Variants in PCBP3 observed in about 807,000 individuals in gnomAD.
PCBP3 encodes poly(rC) binding protein 3, also known as poly(rC)-binding protein 3.
Under a neutral mutation model 52.7 loss-of-function variants are expected in PCBP3, and 25 were observed. That is an observed-to-expected ratio of 0.47 (90% confidence interval 0.35 to 0.66). The LOEUF (loss-of-function observed/expected upper bound fraction) is 0.66. PCBP3 is among the 30% of genes least tolerant of loss of function. The pLI is 0.01. For synonymous variants in PCBP3, 162 were observed against 183.0 expected, an observed-to-expected ratio of 0.89 and a Z score of 0.93; for missense variants, 391 against 490.3, an observed-to-expected ratio of 0.80 and a Z score of 1.91.
chr21:45,907,106 G>T (rs1329578253), intron 9 of PCBP3, among the ~76,000 whole-genome samples: 4 of 152,210 alleles, frequency 2.6e-5, no homozygotes, highest in African/African-American at 9.6e-5. Context: ...CTGGACCCAG[G>T]ATCTTTCTAT....
chr21:45,930,666 C>A (rs2076061464), intron 14 of PCBP3, 120 bp from the exon 15 acceptor site: 1 of 587,438 alleles, frequency 1.7e-6, no homozygotes, highest in Non-Finnish European at 3.1e-6. Context: ...ATGCCTGTGG[C>A]TGTGGCCAGA....
At chr21:45,889,194 C>G (rs565472115) in intron 5 of PCBP3, among the ~76,000 whole-genome samples, 7 of 152,190 alleles carry the variant, frequency 4.6e-5, no homozygotes. Flanking sequence ...CAGGAGCGCT[C>G]ACAGGGGCTT....
chr21:45,841,376 C>T (rs1049625433), intron 4 of PCBP3, among the ~76,000 whole-genome samples: 12 of 149,900 alleles, frequency 8.0e-5, no homozygotes, highest in South Asian at 4.3e-4. Context: ...TGTGATGTCT[C>T]CTTACTCTTA....
In PCBP3 at chr21:45,704,724, A is replaced by G. The variant is rs879718020; in HGVS notation, c.-199-30668A>G. ...TGTCCATAGCTTCCTGACCTCTGGAAGAACAGAAGTTGCTGCTGGCAGAGT... is the reference window on the plus strand; with the variant it reads ...TGTCCATAGCTTCCTGACCTCTGGAGGAACAGAAGTTGCTGCTGGCAGAGT... On this transcript the variant is annotated intron_variant, in intron 2 of 17. Transcript: ENST00000681687. This position sits in a 1 kb window ranked among gnomAD's most constrained non-coding sequence, Gnocchi z 4.1. Among the ~76,000 whole-genome samples the G allele has an allele frequency of 4.6e-5, 7 of 152,250 alleles. No homozygotes were observed. The highest frequency in any genetic ancestry group is 8.8e-5 in the Non-Finnish European group (6 of 68,034).
In PCBP3 at chr21:45,821,630, T is replaced by A. The variant is rs974871111; in HGVS notation, c.-125-28331T>A. On this transcript the variant is annotated intron_variant, in intron 4 of 17. Coordinates refer to ENST00000681687, the MANE Select transcript of PCBP3 (RefSeq NM_001384156.1). This position sits in a 1 kb window ranked among gnomAD's most constrained non-coding sequence, Gnocchi z 4.4. Reference sequence around the variant, plus strand: ...CTGTCTCCCTGGTTCTTGTTCTGGCTTCTCCACGGGACCCTCCTGTCCTCC... The same window carrying A: ...CTGTCTCCCTGGTTCTTGTTCTGGCATCTCCACGGGACCCTCCTGTCCTCC... Among the ~76,000 whole-genome samples, 1 of 152,066 alleles carries A rather than the reference T, an allele frequency of 6.6e-6. No homozygotes were observed. The highest frequency in any genetic ancestry group is 1.5e-5 in the Non-Finnish European group (1 of 68,016).
chr21:45,694,335 T>A (rs572863983), intron 2 of PCBP3, among the ~76,000 whole-genome samples: 1 of 152,288 alleles, frequency 6.6e-6, no homozygotes, highest in East Asian at 1.9e-4. Flanking sequence ...AAGAAGCATA[T>A]TTTAAAAGCA....
chr21:45,723,012 C>CAAAA (rs201388146), intron 2 of PCBP3, among the ~76,000 whole-genome samples: 1 of 136,776 alleles, frequency 7.3e-6, no homozygotes. Flanking sequence ...AGACCCGTCT[C>CAAAA]AAAAAAAAAA....
chr21:45,917,602 G>A lies in PCBP3; in HGVS notation c.690G>A (p.Gln230=). The A allele has an allele frequency of 6.2e-7, 1 of 1,613,340 alleles. No homozygotes were observed. Among genetic ancestry groups the A allele is most frequent in the Non-Finnish European group, 8.5e-7 (1 of 1,179,556 alleles). The change falls in exon 13 of 18, where the codon CAG becomes CAA. Residue 230 remains glutamine, a synonymous_variant. Transcript: ENST00000681687. The surrounding 1 kb of genome is among the most constrained non-coding windows in gnomAD (Gnocchi z 5.3). The part of the protein sequence containing the change: ...IFAGGQAYTI[Q]GQYAIPHPDQ... ...TCTCTCTCTAGGCCTACACAATCCA[G>A]GGACAGTATGCCATCCCTCACCCGG...
intron 2 of PCBP3, among the ~76,000 whole-genome samples, chr21:45,730,866 A>AAT (rs1437674751): frequency 6.6e-6 from 1 of 152,126 alleles, no homozygotes; most frequent in African/African-American, 2.4e-5. Context: ...TATTAGAGTT[A>AAT]ACATGTCACA....
At chr21:45,813,233 G>A (rs529655182) in intron 4 of PCBP3, among the ~76,000 whole-genome samples, 38 of 152,024 alleles carry the variant, frequency 2.5e-4, no homozygotes, top group Non-Finnish European at 5.1e-4. Flanking sequence ...CTATCTGTGC[G>A]TAGTTTGAAT....
chr21:45,709,891 T>A (rs2083713606), intron 2 of PCBP3, among the ~76,000 whole-genome samples: 1 of 152,228 alleles, frequency 6.6e-6, no homozygotes, highest in Non-Finnish European at 1.5e-5. Context: ...TTTTGATGAC[T>A]TTGACAATTT....
At chr21:45,710,694 A>G (rs1044622721) in intron 2 of PCBP3, among the ~76,000 whole-genome samples, 4 of 152,180 alleles carry the variant, frequency 2.6e-5, no homozygotes, top group African/African-American at 9.7e-5. Context: ...TTTGGAAGGA[A>G]GTCATCTTGT....
chr21:45,810,344 G>A (rs2092650780), intron 4 of PCBP3, among the ~76,000 whole-genome samples: 2 of 151,694 alleles, frequency 1.3e-5, no homozygotes, highest in Admixed American at 6.6e-5. Flanking sequence ...TGCTCAAGCA[G>A]TCTTCACACC....
At chr21:45,795,106 T>C (rs974006900) in intron 4 of PCBP3, among the ~76,000 whole-genome samples, 2 of 152,188 alleles carry the variant, frequency 1.3e-5, no homozygotes, top group Admixed American at 1.3e-4. Flanking sequence ...CATTGTGAAC[T>C]TTTATGTACA....
rs773369031 is a variant in PCBP3, at chr21:45,917,660, T to TTC, written c.717+35_717+36dup. The TTC allele has an allele frequency of 5.4e-5, 85 of 1,568,760 alleles. No homozygotes were observed. The highest frequency in any genetic ancestry group is 6.3e-5 in the Non-Finnish European group (72 of 1,138,944). On this transcript the variant is annotated intron_variant, in intron 13 of 17. Transcript: ENST00000681687. The surrounding 1 kb of genome is among the most constrained non-coding windows in gnomAD (Gnocchi z 5.3). ...TCTTCACTTTGTCTTCCTCTCACCT[T>TTC]TCTCTTCTCATGGTTGTTTACCTAC...
At chr21:45,893,831 C>T (rs2148977311) in intron 5 of PCBP3, 1 of 985,390 alleles carries the variant, frequency 1.0e-6, no homozygotes, top group African/African-American at 1.7e-5. Context: ...ACGGCCAGTC[C>T]CATGGGGCCT....
chr21:45,913,814 C>T lies in PCBP3; in HGVS notation c.601-137C>T. On this transcript the variant is annotated intron_variant, in intron 11 of 17. Transcript: ENST00000681687. ...TCTTCACTCCCCTCCCCCAGCACTG[C>T]TGCGAAACTCGGGGAGGTGTGGGGA... The T allele has an allele frequency of 3.3e-5, 25 of 759,386 alleles. 1 individual carries two copies. The highest frequency in any genetic ancestry group is 3.7e-4 in the Middle Eastern group (1 of 2,676). The allele number at this position is 759,386 out of a possible 1,614,324, so 47.0% of individuals were successfully genotyped here.
At chr21:45,906,658 T>C (rs2096216179) in intron 9 of PCBP3, among the ~76,000 whole-genome samples, 1 of 152,264 alleles carries the variant, frequency 6.6e-6, no homozygotes, top group South Asian at 2.1e-4. Context: ...ACCCACCTCA[T>C]GAGGCAGGGG....
intron 1 of PCBP3, among the ~76,000 whole-genome samples, chr21:45,644,435 G>T (rs946617037): frequency 2.0e-5 from 3 of 152,074 alleles, no homozygotes; most frequent in Non-Finnish European, 2.9e-5. Context: ...TTTTAATTTT[G>T]GGGGTGGTTA....
Sources: allele counts gnomAD v4.1 joint callset (sites outside exome capture counted in the v4.1 genomes callset), GRCh38; gene constraint gnomAD v4.1.1; non-coding constraint Gnocchi (gnomAD v3.1); transcripts MANE v1.5; gene names NCBI Gene and HGNC (gene_info 2026-07-23, HGNC 2026-07-21).